Variants in EDIL3 observed in about 807,000 individuals in gnomAD.
EDIL3 encodes the protein EGF like and discoidin domains 3, also known as EGF-like repeat and discoidin I-like domain-containing protein 3.
In EDIL3, 37 loss-of-function variants were observed where a neutral mutation model predicts 67.4. The ratio of observed to expected loss-of-function variants is 0.55; its 90% CI spans 0.42 to 0.72. The LOEUF (loss-of-function observed/expected upper bound fraction) is 0.72, where lower values mean the gene tolerates loss of function less well. Ranked by LOEUF, EDIL3 falls within the 30% of genes least tolerant of loss-of-function variation. EDIL3 has a pLI of 0.00. For missense variants in EDIL3, 527 were observed against 586.3 expected, an observed-to-expected ratio of 0.90 and a Z score of 1.04; for synonymous variants, 195 against 196.3, an observed-to-expected ratio of 0.99 and a Z score of 0.05.
At chr5:84,371,327 ATATATATATATATATG>A (rs1334229517) in intron 1 of EDIL3, among the ~76,000 whole-genome samples, 1 of 143,236 alleles carries the variant, frequency 7.0e-6, no homozygotes, top group Non-Finnish European at 1.5e-5. Flanking sequence ...AAGTATATAT[ATATATATATATATATG>A]TGTGTGTGTA....
chr5:83,990,490 A>AG (rs1195769595), intron 9 of EDIL3, among the ~76,000 whole-genome samples: 1 of 151,212 alleles, frequency 6.6e-6, no homozygotes, highest in Non-Finnish European at 1.5e-5. Flanking sequence ...CATCACAAAA[A>AG]AAAAAAAAAA....
chr5:84,291,182 G>A (rs1283569634), intron 1 of EDIL3, among the ~76,000 whole-genome samples: 1 of 152,148 alleles, frequency 6.6e-6, no homozygotes, highest in Admixed American at 6.5e-5. Context: ...GAAAAGAGCT[G>A]ATAGGTTTAG....
At chr5:84,092,247 A>T (rs1159149601) in intron 6 of EDIL3, among the ~76,000 whole-genome samples, 3 of 152,196 alleles carry the variant, frequency 2.0e-5, no homozygotes, top group African/African-American at 4.8e-5. Flanking sequence ...GATTTTCTCC[A>T]TTTCACTGTA....
At chr5:84,072,367 A>G (rs1181433844) in intron 6 of EDIL3, among the ~76,000 whole-genome samples, 1 of 151,862 alleles carries the variant, frequency 6.6e-6, no homozygotes, top group African/African-American at 2.4e-5. Context: ...TGAAAAGATA[A>G]TCATATTCAT....
chr5:84,318,706 AG>A (rs1289869276), intron 1 of EDIL3, among the ~76,000 whole-genome samples: 1 of 152,224 alleles, frequency 6.6e-6, no homozygotes, highest in Admixed American at 6.5e-5. Context: ...TAAAAACCCT[AG>A]AAGAAAACCT....
chr5:84,326,889 A>C (rs115734167), intron 1 of EDIL3, among the ~76,000 whole-genome samples: 2,801 of 151,794 alleles, frequency 0.018, 88 homozygotes, highest in African/African-American at 0.064. Context: ...ACCTTTTAAA[A>C]ATTTTTTCAT....
At chr5:84,100,838 T>C (rs1371812739) in intron 6 of EDIL3, among the ~76,000 whole-genome samples, 2 of 152,134 alleles carry the variant, frequency 1.3e-5, no homozygotes, top group East Asian at 3.8e-4. Flanking sequence ...TCAGCTCAAT[T>C]TACTCTGATA....
At chr5:83,948,952 C>T (rs1744360621) in intron 10 of EDIL3, among the ~76,000 whole-genome samples, 1 of 151,820 alleles carries the variant, frequency 6.6e-6, no homozygotes, top group African/African-American at 2.4e-5. Context: ...TGAGTACATT[C>T]TTCCGGATGT....
At chr5:83,984,134 C>T (rs554612852) in intron 9 of EDIL3, among the ~76,000 whole-genome samples, 43 of 152,012 alleles carry the variant, frequency 2.8e-4, no homozygotes, top group African/African-American at 1.0e-3. Flanking sequence ...TTAAGAATGT[C>T]TGATTAAATT....
At chr5:84,360,435 C>T (rs1331828912) in intron 1 of EDIL3, among the ~76,000 whole-genome samples, 2 of 152,068 alleles carry the variant, frequency 1.3e-5, no homozygotes, top group Non-Finnish European at 2.9e-5. Context: ...CGAAGTTTGA[C>T]AAATTAAAGG....
chr5:84,259,970 G>A (rs1745197107), intron 1 of EDIL3, among the ~76,000 whole-genome samples: 1 of 152,144 alleles, frequency 6.6e-6, no homozygotes. Flanking sequence ...ATACAAAGAA[G>A]AAAATTCTAT....
chr5:83,949,706 C>T (rs538725392), intron 10 of EDIL3, among the ~76,000 whole-genome samples: 24 of 151,900 alleles, frequency 1.6e-4, no homozygotes, highest in African/African-American at 5.1e-4. Context: ...CGTTTACAGA[C>T]ACATGTCATT....
At chr5:84,253,310 G>A (rs1272171149) in intron 2 of EDIL3, among the ~76,000 whole-genome samples, 1 of 152,008 alleles carries the variant, frequency 6.6e-6, no homozygotes, top group Non-Finnish European at 1.5e-5. Context: ...TACTCTTCGT[G>A]GTACTAATGC....
chr5:84,090,954 C>CA (rs70975540), intron 6 of EDIL3, among the ~76,000 whole-genome samples: 10,214 of 140,118 alleles, frequency 0.073, 455 homozygotes, highest in Middle Eastern at 0.13. Flanking sequence ...CTCAAAAAAA[C>CA]AAAAAAAAAA....
intron 4 of EDIL3, among the ~76,000 whole-genome samples, chr5:84,140,914 G>A (rs982212807): frequency 6.6e-6 from 1 of 152,098 alleles, no homozygotes; most frequent in Non-Finnish European, 1.5e-5. Flanking sequence ...TCTTTCAGCA[G>A]TGAAGGCTAT....
At chr5:84,224,893 G>C (rs554190264) in intron 3 of EDIL3, among the ~76,000 whole-genome samples, 1 of 151,540 alleles carries the variant, frequency 6.6e-6, no homozygotes, top group Admixed American at 6.6e-5. Flanking sequence ...TTCTAAAAGT[G>C]ATTCATTTTG....
intron 6 of EDIL3, among the ~76,000 whole-genome samples, chr5:84,087,508 G>A (rs1170566161): frequency 2.0e-5 from 3 of 152,174 alleles, no homozygotes; most frequent in Non-Finnish European, 2.9e-5. Context: ...ATTTATTAAT[G>A]CATTCAAATA....
At chr5:84,051,978 G>T (rs975764145) in intron 9 of EDIL3, among the ~76,000 whole-genome samples, 1 of 152,064 alleles carries the variant, frequency 6.6e-6, no homozygotes, top group Non-Finnish European at 1.5e-5. Flanking sequence ...GATACTCCTC[G>T]AGAAGAGCAA....
intron 6 of EDIL3, among the ~76,000 whole-genome samples, chr5:84,096,855 G>A (rs754646613): frequency 6.6e-5 from 10 of 152,056 alleles, no homozygotes; most frequent in Non-Finnish European, 1.0e-4. Flanking sequence ...TCATGGGAGC[G>A]GGTCTTTCCC....
Sources: gnomAD v4.1 joint callset for allele counts (sites outside exome capture counted in the v4.1 genomes callset) on GRCh38, gnomAD v4.1.1 for gene constraint, MANE v1.5 for transcripts, NCBI Gene and HGNC (gene_info 2026-07-23, HGNC 2026-07-21) for gene names.